VAX1: variants seen among roughly 807,000 people sequenced by gnomAD.
VAX1 encodes ventral anterior homeobox 1.
VAX1 carries 6 observed loss-of-function variants against 17.6 expected under a neutral mutation model. The ratio of observed to expected loss-of-function variants is 0.34; its 90% CI spans 0.19 to 0.67. The LOEUF is 0.67. VAX1 is among the 30% of genes least tolerant of loss of function. The pLI, the probability that VAX1 is intolerant of heterozygous loss-of-function variation, is 0.69. For synonymous variants in VAX1, 256 were observed against 227.4 expected, an observed-to-expected ratio of 1.13 and a Z score of -1.13; for missense variants, 408 against 463.7, an observed-to-expected ratio of 0.88 and a Z score of 1.10.
At position 117,137,140 on chromosome 10, in the gene VAX1, C is replaced by T. The variant is rs1002960246; in HGVS notation, c.242-481G>A. 9.2e-5 allele frequency among the ~76,000 whole-genome samples: 14 copies of T among 151,924 alleles called. No homozygotes were observed. The highest frequency in any genetic ancestry group is 2.7e-4 in the African/African-American group (11 of 41,506). On this transcript the variant is annotated intron_variant, in intron 1 of 2. Coordinates refer to ENST00000369206, the MANE Select transcript of VAX1 (RefSeq NM_001112704.2). The surrounding 1 kb of genome is among the most constrained non-coding windows in gnomAD (Gnocchi z 7.4). ...GAAGGAGGAGGGACTGAGTCGGGGC[C>T]GGCCGGGCCCGGAGATCTGCTGCTG...
chr10:117,130,681 G>A (rs1300974333), downstream of VAX1: 1 of 152,218 alleles, frequency 6.6e-6, no homozygotes, highest in African/African-American at 2.4e-5. Context: ...AAAGAAGATA[G>A]TCACTAAAAT....
Position 117,133,823 on chromosome 10 carries a change from G to A in VAX1, c.*185C>T, listed in dbSNP as rs561412422. ...GGGGAGGAATCTCAGAGGAAAGGTAGTAGAAAAAAAAAATAGCCCGAATGA... is the reference window on the plus strand; with the variant it reads ...GGGGAGGAATCTCAGAGGAAAGGTAATAGAAAAAAAAAATAGCCCGAATGA... On this transcript the variant is annotated 3_prime_UTR_variant, in exon 3 of 3. Transcript: ENST00000369206. 7 of 1,333,982 alleles carry A rather than the reference G, an allele frequency of 5.2e-6. No individual in the cohort carries two copies. The highest frequency in any genetic ancestry group is 2.1e-5 in the South Asian group (1 of 48,058). 82.6% of individuals were successfully genotyped at this position (1,333,982 alleles called of 1,614,324 possible).
chr10:117,137,805 C>T lies in VAX1; in HGVS notation c.241+11G>A. On this transcript the variant is annotated intron_variant, in intron 1 of 2. Transcript: ENST00000369206. This position sits in a 1 kb window ranked among gnomAD's most constrained non-coding sequence, Gnocchi z 7.4. ...CCAAAGAACGCGCCTGGCAGCCCTG[C>T]CCATCCCTACCTCGGACCAGGATCC... is the stretch of plus-strand genomic sequence containing the variant. The T allele has an allele frequency of 6.2e-7, 1 of 1,611,374 alleles. No individual in the cohort carries two copies. Among genetic ancestry groups the T allele is most frequent in the Non-Finnish European group, 8.5e-7 (1 of 1,179,900 alleles).
chr10:117,131,947 ACT>A (rs1854090084), downstream of VAX1: 2 of 419,504 alleles, frequency 4.8e-6, no homozygotes, highest in Non-Finnish European at 8.3e-6. Flanking sequence ...CAGCTGGAAG[ACT>A]CTAGAAACCT....
At chr10:117,130,942 C>A, downstream of VAX1, 1 of 152,626 alleles carries the variant, frequency 6.6e-6, no homozygotes. Context: ...GGTGACTTCC[C>A]AGGCTGAGGC....
In VAX1 at chr10:117,134,092, G is replaced by A; in HGVS notation, c.921C>T (p.Ser307=). The A allele has an allele frequency of 6.5e-7, 1 of 1,536,784 alleles. No individual in the cohort carries two copies. The highest frequency in any genetic ancestry group is 8.8e-7 in the Non-Finnish European group (1 of 1,140,754). Residue 307 remains serine, a synonymous_variant, in exon 3 of 3, where the codon TCC becomes TCT. Transcript: ENST00000369206. The surrounding 1 kb of genome is among the most constrained non-coding windows in gnomAD (Gnocchi z 6.2). ...AGGCCGAGGAGCTCAGATATCGGGC[G>A]GAGAGTTCTTGCAAATTCCCAGCTA... ...GSLAGNLQEL[S]ARYLSSSAFE... is the part of the protein sequence containing the mutation.
At position 117,134,741 on chromosome 10, in the gene VAX1, G is replaced by A. The variant is rs555047946; in HGVS notation, c.430-158C>T. On this transcript the variant is annotated intron_variant, in intron 2 of 2. Transcript: ENST00000369206. The surrounding 1 kb of genome is among the most constrained non-coding windows in gnomAD (Gnocchi z 6.2). Reference sequence around the variant, plus strand: ...CCGGAGGGGTCCGGGCCGGGGCGCTGCTGGGGGAGCTGGCGCCGCCACGAG... The same window carrying A: ...CCGGAGGGGTCCGGGCCGGGGCGCTACTGGGGGAGCTGGCGCCGCCACGAG... Among the ~76,000 whole-genome samples, 3 of 152,182 alleles carry A rather than the reference G, an allele frequency of 2.0e-5. No homozygotes were observed. The highest frequency in any genetic ancestry group is 7.2e-5 in the African/African-American group (3 of 41,560).
In VAX1 at chr10:117,138,237, G is replaced by A; in HGVS notation, c.-181C>T. 1.3e-6 allele frequency: 1 copy of A among 751,536 alleles called. No individual in the cohort carries two copies. The highest frequency in any genetic ancestry group is 2.1e-6 in the Non-Finnish European group (1 of 475,602). The allele number at this position is 751,536 out of a possible 1,614,324, so 46.6% of individuals were successfully genotyped here. A position where few individuals can be genotyped will look rare whatever the true frequency, so the allele number is the denominator to read the frequency against. ...TGAATGTCCCCGCGGGGAGGCTTCG[G>A]CGGCCGCGCGCGGGTCAGCGGCGAC... On this transcript the variant is annotated 5_prime_UTR_variant, in exon 1 of 3. Coordinates refer to ENST00000369206, the MANE Select transcript of VAX1 (RefSeq NM_001112704.2).
rs540016371 is a variant in VAX1, at chr10:117,136,016, G to A, written c.429+456C>T. The stretch of plus-strand genomic sequence containing the variant: ...GAATCACCCATGGTGCTGGGGCAGG[G>A]GGTGTTAGATCTAGCCTCACTCCTG... On this transcript the variant is annotated intron_variant, in intron 2 of 2. Coordinates refer to ENST00000369206, the MANE Select transcript of VAX1 (RefSeq NM_001112704.2). The surrounding 1 kb of genome is among the most constrained non-coding windows in gnomAD (Gnocchi z 5.0). 9.4e-4 allele frequency among the ~76,000 whole-genome samples: 144 copies of A among 152,388 alleles called. No homozygotes were observed. Among genetic ancestry groups the A allele is most frequent in the African/African-American group, 3.3e-3 (137 of 41,604 alleles).
chr10:117,138,090 A>G lies in VAX1; in HGVS notation c.-34T>C. ...ACAACAACAAAAACAGAAAGGAAAAAAAAAGCAAAAAAAAAAAAAAGGGGG... is the reference window on the plus strand; with the variant it reads ...ACAACAACAAAAACAGAAAGGAAAAGAAAAGCAAAAAAAAAAAAAAGGGGG... On this transcript the variant is annotated 5_prime_UTR_variant, in exon 1 of 3. Coordinates refer to ENST00000369206, the MANE Select transcript of VAX1 (RefSeq NM_001112704.2). 1 of 745,410 alleles carries G rather than the reference A, an allele frequency of 1.3e-6. No homozygotes were observed. The highest frequency in any genetic ancestry group is 1.9e-6 in the Non-Finnish European group (1 of 532,150). The allele number at this position is 745,410 out of a possible 1,614,324, so 46.2% of individuals were successfully genotyped here.
Position 117,134,718 on chromosome 10 carries a change from G to A in VAX1, c.430-135C>T. On this transcript the variant is annotated intron_variant, in intron 2 of 2. Coordinates refer to ENST00000369206, the MANE Select transcript of VAX1 (RefSeq NM_001112704.2). This position sits in a 1 kb window ranked among gnomAD's most constrained non-coding sequence, Gnocchi z 6.2. ...CTATCCGCAGCCCCACCCAGCAGCC[G>A]GAGGGGTCCGGGCCGGGGCGCTGCT... The A allele has an allele frequency of 2.2e-6, 2 of 901,526 alleles. No homozygotes were observed. Among genetic ancestry groups the A allele is most frequent in the Non-Finnish European group, 3.1e-6 (2 of 647,516 alleles). 55.8% of individuals were successfully genotyped at this position (901,526 alleles called of 1,614,324 possible). A position where few individuals can be genotyped will look rare whatever the true frequency, so the allele number is the denominator to read the frequency against.
At position 117,134,986 on chromosome 10, in the gene VAX1, G is replaced by T. The variant is rs1055240739; in HGVS notation, c.430-403C>A. Among the ~76,000 whole-genome samples the T allele has an allele frequency of 6.6e-6, 1 of 152,242 alleles. No homozygotes were observed. The highest frequency in any genetic ancestry group is 1.5e-5 in the Non-Finnish European group (1 of 68,040). ...AAAGCCGGAATTTCCGGTGGAGGGT[G>T]TGAGGCCCTAGGGTGCGGGTGCGGT... On this transcript the variant is annotated intron_variant, in intron 2 of 2. Transcript: ENST00000369206. The surrounding 1 kb of genome is among the most constrained non-coding windows in gnomAD (Gnocchi z 6.2).
chr10:117,135,700 T>C (rs1854165591), intron 2 of VAX1, among the ~76,000 whole-genome samples: 1 of 152,248 alleles, frequency 6.6e-6, no homozygotes, highest in Non-Finnish European at 1.5e-5. Flanking sequence ...ACATGCCACT[T>C]GGCAAGTTCT....
In VAX1 at chr10:117,136,057, C is replaced by T. The variant is rs143053382; in HGVS notation, c.429+415G>A. On this transcript the variant is annotated intron_variant, in intron 2 of 2. Transcript: ENST00000369206. The surrounding 1 kb of genome is among the most constrained non-coding windows in gnomAD (Gnocchi z 5.0). The stretch of plus-strand genomic sequence containing the variant: ...CTCACTCCTGTAGAATGGGCCTGGA[C>T]GCTGAGTACAGCTGGGTGGGCCCAC... Among the ~76,000 whole-genome samples, 18 of 152,354 alleles carry T rather than the reference C, an allele frequency of 1.2e-4. No homozygotes were observed. The highest frequency in any genetic ancestry group is 2.0e-4 in the Admixed American group (3 of 15,304).
Position 117,133,567 on chromosome 10 carries a change from A to T in VAX1, c.*441T>A. 2.0e-6 allele frequency: 2 copies of T among 986,046 alleles called. No individual in the cohort carries two copies. Among genetic ancestry groups the T allele is most frequent in the Non-Finnish European group, 2.4e-6 (2 of 830,360 alleles). The allele number at this position is 986,046 out of a possible 1,614,324, so 61.1% of individuals were successfully genotyped here. ...CCTTTTTTGGTCTAAAGAAACCTGG[A>T]AGCCCCTGGGGTCTGCGCGCAGTTT... On this transcript the variant is annotated 3_prime_UTR_variant, in exon 3 of 3. Coordinates refer to ENST00000369206, the MANE Select transcript of VAX1 (RefSeq NM_001112704.2).
downstream of VAX1, chr10:117,132,451 T>G: frequency 6.2e-7 from 1 of 1,612,156 alleles, no homozygotes; most frequent in Non-Finnish European, 8.5e-7. The surrounding 1 kb of genome is among the most constrained non-coding windows in gnomAD (Gnocchi z 4.9). Context: ...CGCGTTTGAA[T>G]CGTTCATTAT....
At position 117,136,786 on chromosome 10, in the gene VAX1, C is replaced by A. The variant is rs1854187515; in HGVS notation, c.242-127G>T. On this transcript the variant is annotated intron_variant, in intron 1 of 2. Coordinates refer to ENST00000369206, the MANE Select transcript of VAX1 (RefSeq NM_001112704.2). The surrounding 1 kb of genome is among the most constrained non-coding windows in gnomAD (Gnocchi z 5.0). ...TGGGGATGGGGGGCGGGGTGCGGAG[C>A]GCGACCACAACCAGGTAGCAAAGAC... 2.3e-5 allele frequency: 26 copies of A among 1,148,906 alleles called. No homozygotes were observed. In the South Asian group the frequency reaches 4.2e-4, roughly 19 times the overall value. The allele number at this position is 1,148,906 out of a possible 1,614,324, so 71.2% of individuals were successfully genotyped here. A position where few individuals can be genotyped will look rare whatever the true frequency, so the allele number is the denominator to read the frequency against.
downstream of VAX1, chr10:117,131,815 G>A (rs1168367244): frequency 1.1e-5 from 2 of 185,348 alleles, no homozygotes; most frequent in Non-Finnish European, 2.2e-5. Context: ...TCAGTCTCCT[G>A]CTCCTTCAAA....
At chr10:117,135,429 A>G (rs1292990530) in intron 2 of VAX1, among the ~76,000 whole-genome samples, 2 of 152,232 alleles carry the variant, frequency 1.3e-5, no homozygotes, top group African/African-American at 2.4e-5. Flanking sequence ...CAGGCCTAGC[A>G]GTGGCCCAGA....
Sources: gnomAD v4.1 joint callset for allele counts (sites outside exome capture counted in the v4.1 genomes callset) on GRCh38, gnomAD v4.1.1 for gene constraint, Gnocchi (gnomAD v3.1) non-coding constraint, MANE v1.5 for transcripts, NCBI Gene and HGNC (gene_info 2026-07-23, HGNC 2026-07-21) for gene names.